The following PPIL1 variants were observed in gnomAD, a reference collection of about 807,000 sequenced individuals.
The protein encoded by PPIL1 is peptidylprolyl isomerase like 1, also known as peptidyl-prolyl cis-trans isomerase-like 1.
PPIL1 carries 14 observed loss-of-function variants against 19.4 expected under a neutral mutation model. That is an observed-to-expected ratio of 0.72 (90% confidence interval 0.48 to 1.13). PPIL1 has a LOEUF of 1.13. Among genes scored for constraint, PPIL1 ranks in the 50% most tolerant of loss-of-function variants. The pLI, the probability that PPIL1 is intolerant of heterozygous loss-of-function variation, is 0.00. For synonymous variants in PPIL1, 72 were observed against 73.6 expected (o/e 0.98, Z 0.11); for missense variants, 192 against 218.0 (o/e 0.88, Z 0.75).
Position 36,861,465 on chromosome 6 carries a change from G to C in PPIL1, c.212-4811C>G, listed in dbSNP as rs112765089. On this transcript the variant is annotated intron_variant, in intron 2 of 3. Transcript: ENST00000373699. ...GACACCAAAATCCCTGCTCGCTCAAGTCCCGCTGTGGGCTCTGAGAAAACT... is the reference window on the plus strand; with the variant it reads ...GACACCAAAATCCCTGCTCGCTCAACTCCCGCTGTGGGCTCTGAGAAAACT... 2.6e-3 allele frequency among the ~76,000 whole-genome samples: 392 copies of C among 152,230 alleles called. 2 individuals carry two copies. Among genetic ancestry groups the C allele is most frequent in the African/African-American group, 9.1e-3 (376 of 41,532 alleles).
intron 2 of PPIL1, among the ~76,000 whole-genome samples, chr6:36,862,674 G>A (rs1774314697): frequency 6.6e-6 from 1 of 152,202 alleles, no homozygotes; most frequent in African/African-American, 2.4e-5. Flanking sequence ...GGAAAGATAT[G>A]GCAAGCCTAG....
In PPIL1 at chr6:36,855,580, T is replaced by C. The variant is rs939903770; in HGVS notation, c.*233A>G. 3 of 551,678 alleles carry C rather than the reference T, an allele frequency of 5.4e-6. No homozygotes were observed. The highest frequency in any genetic ancestry group is 9.8e-6 in the Non-Finnish European group (3 of 306,950). 34.2% of individuals were successfully genotyped at this position (551,678 alleles called of 1,614,324 possible). A position where few individuals can be genotyped will look rare whatever the true frequency, so the allele number is the denominator to read the frequency against. On this transcript the variant is annotated 3_prime_UTR_variant, in exon 4 of 4. Coordinates refer to ENST00000373699, the MANE Select transcript of PPIL1 (RefSeq NM_016059.5). ...TTCATGTGTAGTAAGTAGTCACCTATTGATAAACAGGGGCATTTGTGCAAA... is the reference window on the plus strand; with the variant it reads ...TTCATGTGTAGTAAGTAGTCACCTACTGATAAACAGGGGCATTTGTGCAAA...
Position 36,870,153 on chromosome 6 carries a change from T to C in PPIL1, c.211+1565A>G, listed in dbSNP as rs976931354. Among the ~76,000 whole-genome samples, 4 of 143,942 alleles carry C rather than the reference T, an allele frequency of 2.8e-5. No homozygotes were observed. The South Asian group carries it at 8.9e-4, about 32-fold the overall frequency. 94.4% of individuals were successfully genotyped at this position (143,942 alleles called of 152,430 possible). ...GCTTCTGACCATAGATGATAAATCA[T>C]GAGACGATTAAGAATGACAAAAAAG... On this transcript the variant is annotated intron_variant, in intron 2 of 3. Coordinates refer to ENST00000373699, the MANE Select transcript of PPIL1 (RefSeq NM_016059.5).
At chr6:36,856,488 C>A (rs1774169761) in intron 3 of PPIL1, 98 bp downstream of exon 3, 2 of 1,119,036 alleles carry the variant, frequency 1.8e-6, no homozygotes, top group Admixed American at 3.8e-5. Flanking sequence ...CTATCTGGCA[C>A]CATGCCACGG....
intron 2 of PPIL1, among the ~76,000 whole-genome samples, chr6:36,867,155 C>A (rs1774411308): frequency 6.6e-6 from 1 of 152,128 alleles, no homozygotes; most frequent in Non-Finnish European, 1.5e-5. Context: ...CCTTTATAGA[C>A]AAGGAAGGAA....
chr6:36,861,614 A>G (rs2150656200), intron 2 of PPIL1, among the ~76,000 whole-genome samples: 1 of 151,582 alleles, frequency 6.6e-6, no homozygotes, highest in East Asian at 1.9e-4. Context: ...CACTCTTGTA[A>G]TGGGATCTTC....
At chr6:36,857,624 A>T (rs199832388) in intron 2 of PPIL1, among the ~76,000 whole-genome samples, 2 of 152,172 alleles carry the variant, frequency 1.3e-5, no homozygotes, top group East Asian at 1.9e-4. Flanking sequence ...TCACAAAAAA[A>T]TTTTAAAATT....
intron 2 of PPIL1, among the ~76,000 whole-genome samples, chr6:36,868,644 C>T (rs1257874388): frequency 3.3e-5 from 5 of 152,102 alleles, no homozygotes; most frequent in African/African-American, 1.2e-4. Context: ...TTGAGACCGG[C>T]CTCAGCAACA....
chr6:36,860,120 C>T (rs1020980205), intron 2 of PPIL1, among the ~76,000 whole-genome samples: 3 of 151,938 alleles, frequency 2.0e-5, no homozygotes, highest in Non-Finnish European at 2.9e-5. Context: ...CCACCACACC[C>T]GGCCAAGACC....
intron 2 of PPIL1, among the ~76,000 whole-genome samples, chr6:36,861,676 CTG>C (rs998980632): frequency 8.5e-5 from 12 of 141,876 alleles, no homozygotes; most frequent in Non-Finnish European, 1.2e-4. Flanking sequence ...TCTTTATGAT[CTG>C]TGTTTTTTTT....
At chr6:36,874,370 G>T (rs936134735) in intron 1 of PPIL1, among the ~76,000 whole-genome samples, 1 of 152,176 alleles carries the variant, frequency 6.6e-6, no homozygotes, top group African/African-American at 2.4e-5. Flanking sequence ...CTAAAGGCAG[G>T]GCTGTCTGTG....
chr6:36,864,200 G>C (rs1193608961), intron 2 of PPIL1, among the ~76,000 whole-genome samples: 1 of 151,830 alleles, frequency 6.6e-6, no homozygotes, highest in Non-Finnish European at 1.5e-5. Flanking sequence ...GTAGCCACAG[G>C]GATCCTTTTC....
In PPIL1 at chr6:36,870,781, C is replaced by T. The variant is rs546795811; in HGVS notation, c.211+937G>A. On this transcript the variant is annotated intron_variant, in intron 2 of 3. Coordinates refer to ENST00000373699, the MANE Select transcript of PPIL1 (RefSeq NM_016059.5). ...CTGAGATTACAGGTGCCCACCAACCCGCCCGGCTAATTTTTGTATTTTAGT... is the reference window on the plus strand; with the variant it reads ...CTGAGATTACAGGTGCCCACCAACCTGCCCGGCTAATTTTTGTATTTTAGT... 5.3e-5 allele frequency among the ~76,000 whole-genome samples: 8 copies of T among 152,186 alleles called. No homozygotes were observed. In the South Asian group the frequency reaches 1.2e-3, roughly 24 times the overall value.
chr6:36,870,920 A>C (rs1040383667), intron 2 of PPIL1, among the ~76,000 whole-genome samples: 2 of 152,164 alleles, frequency 1.3e-5, no homozygotes, highest in Non-Finnish European at 2.9e-5. Flanking sequence ...CACCGTGCCC[A>C]GCCTAGAGTG....
chr6:36,858,469 T>C (rs1774212398), intron 2 of PPIL1: 1 of 152,258 alleles, frequency 6.6e-6, no homozygotes, highest in Non-Finnish European at 1.5e-5. Flanking sequence ...GGCAGCTCAC[T>C]TCCTCTACTG....
chr6:36,860,707 G>A (rs1271641927), intron 2 of PPIL1, among the ~76,000 whole-genome samples: 3 of 146,660 alleles, frequency 2.0e-5, no homozygotes, highest in Non-Finnish European at 4.4e-5. Context: ...CCACTATTCT[G>A]ACAAGAATTT....
At chr6:36,869,192 C>T (rs1340851476) in intron 2 of PPIL1, among the ~76,000 whole-genome samples, 2 of 152,156 alleles carry the variant, frequency 1.3e-5, no homozygotes, top group African/African-American at 4.8e-5. Flanking sequence ...CTATGTCGCC[C>T]AGGCTGGTCT....
At chr6:36,862,547 G>A (rs1450860757) in intron 2 of PPIL1, among the ~76,000 whole-genome samples, 3 of 152,202 alleles carry the variant, frequency 2.0e-5, no homozygotes, top group African/African-American at 7.2e-5. Context: ...TTCATCTACA[G>A]CTCTTTCCCA....
chr6:36,874,328 C>T (rs769003492), intron 1 of PPIL1, among the ~76,000 whole-genome samples: 1 of 152,232 alleles, frequency 6.6e-6, no homozygotes, highest in Non-Finnish European at 1.5e-5. Context: ...GTAATGTTTA[C>T]ATGTCTGTCT....
Sources: gnomAD v4.1 joint callset for allele counts (sites outside exome capture counted in the v4.1 genomes callset) on GRCh38, gnomAD v4.1.1 for gene constraint, MANE v1.5 for transcripts, NCBI Gene and HGNC (gene_info 2026-07-23, HGNC 2026-07-21) for gene names.